Variants in SYT7 observed in about 807,000 individuals in gnomAD.
SYT7 encodes synaptotagmin-7.
SYT7 carries 29 observed loss-of-function variants against 75.1 expected under a neutral mutation model. The observed-to-expected ratio is 0.39, with a 90% CI of 0.29 to 0.53. The LOEUF is 0.53. Among genes scored for constraint, SYT7 ranks in the 20% least tolerant of loss-of-function variants. The pLI is 0.77. For missense variants in SYT7, 693 were observed against 953.2 expected (o/e 0.73, Z 3.59); for synonymous variants, 376 against 401.7 (o/e 0.94, Z 0.76).
chr11:61,522,080 T>G (rs2062354713), intron 12 of SYT7, among the ~76,000 whole-genome samples: 1 of 151,092 alleles, frequency 6.6e-6, no homozygotes, highest in Admixed American at 6.6e-5. Context: ...AACACAGGAG[T>G]AGACATTTTA....
intron 8 of SYT7, chr11:61,530,880 C>A (rs1468912402): frequency 4.1e-6 from 4 of 985,426 alleles, no homozygotes; most frequent in East Asian, 2.3e-4. Context: ...AGGTTGGCCA[C>A]CCCATCACAG....
chr11:61,528,399 C>T (rs924980250), intron 8 of SYT7, among the ~76,000 whole-genome samples: 2 of 152,114 alleles, frequency 1.3e-5, no homozygotes, highest in African/African-American at 4.8e-5. Flanking sequence ...AGCCCTGTCT[C>T]CTGAACCTCA....
At chr11:61,538,346 G>GAGAGAGA in intron 6 of SYT7, 80 bp from the exon 7 acceptor site, 6 of 198,052 alleles carry the variant, frequency 3.0e-5, no homozygotes, top group East Asian at 9.4e-5. Flanking sequence ...GGAGAGAGAG[G>GAGAGAGA]GAGAGAGAGA....
intron 3 of SYT7, among the ~76,000 whole-genome samples, 188 bp from the exon 4 acceptor site, chr11:61,547,496 G>A (rs956030133): frequency 2.6e-5 from 4 of 151,406 alleles, no homozygotes; most frequent in African/African-American, 4.9e-5. Context: ...GCACACGCAC[G>A]CATACACGCA....
intron 1 of SYT7, among the ~76,000 whole-genome samples, chr11:61,574,284 C>G (rs1307927276): frequency 6.6e-6 from 1 of 152,192 alleles, no homozygotes; most frequent in Non-Finnish European, 1.5e-5. Flanking sequence ...ACCCATTTAA[C>G]AGAAGAGGAA....
intron 8 of SYT7, among the ~76,000 whole-genome samples, chr11:61,528,784 C>T (rs2062610761): frequency 6.6e-6 from 1 of 152,154 alleles, no homozygotes; most frequent in South Asian, 2.1e-4. Flanking sequence ...AAGAAAATTG[C>T]AGACTCCCCA....
At position 61,551,471 on chromosome 11, in the gene SYT7, G is replaced by C; in HGVS notation, c.136-8C>G. Reference sequence around the variant, plus strand: ...ATTCTTGTAGCGTTTGCCCTGTGGAGATAGCACTAGGATCACTCCTGGGGA... The same window carrying C: ...ATTCTTGTAGCGTTTGCCCTGTGGACATAGCACTAGGATCACTCCTGGGGA... On this transcript the variant is annotated splice_region_variant and splice_polypyrimidine_tract_variant and intron_variant, in intron 2 of 12. Transcript: ENST00000539008. This position sits in a 1 kb window ranked among gnomAD's most constrained non-coding sequence, Gnocchi z 5.3. 1 of 1,613,540 alleles carries C rather than the reference G, an allele frequency of 6.2e-7. No individual in the cohort carries two copies. The highest frequency in any genetic ancestry group is 1.3e-5 in the African/African-American group (1 of 75,014).
chr11:61,548,036 G>A (rs902885147), intron 3 of SYT7, among the ~76,000 whole-genome samples: 1 of 152,250 alleles, frequency 6.6e-6, no homozygotes, highest in Admixed American at 6.5e-5. Context: ...AGGCTGGGCT[G>A]CAGCCTTAAC....
intron 9 of SYT7, among the ~76,000 whole-genome samples, chr11:61,525,142 C>T (rs1199678382): frequency 6.6e-6 from 1 of 152,272 alleles, no homozygotes; most frequent in Non-Finnish European, 1.5e-5. Flanking sequence ...GCTGGCACCT[C>T]TTGCCTAGGC....
intron 1 of SYT7, among the ~76,000 whole-genome samples, chr11:61,562,426 T>A (rs2063662094): frequency 6.6e-6 from 1 of 152,020 alleles, no homozygotes; most frequent in South Asian, 2.1e-4. Flanking sequence ...TATGGTGAGG[T>A]TTAAAGGAAT....
intron 8 of SYT7, among the ~76,000 whole-genome samples, chr11:61,531,586 T>C (rs943843424): frequency 1.3e-5 from 2 of 151,848 alleles, no homozygotes; most frequent in African/African-American, 4.8e-5. Context: ...GATGCTCTAA[T>C]GTGGATTCAA....
At chr11:61,528,320 C>T (rs764480811) in intron 8 of SYT7, 135 bp from the exon 9 acceptor site, 9 of 1,135,956 alleles carry the variant, frequency 7.9e-6, no homozygotes, top group Non-Finnish European at 1.1e-5. Context: ...GCTGCTCAGG[C>T]TCAGAGGGCA....
chr11:61,560,676 A>T (rs2063614951), intron 1 of SYT7, among the ~76,000 whole-genome samples: 1 of 152,222 alleles, frequency 6.6e-6, no homozygotes, highest in Admixed American at 6.5e-5. Context: ...GGATGTCGCC[A>T]TCAAGGGGTG....
At chr11:61,534,288 C>A (rs879519161) in intron 7 of SYT7, among the ~76,000 whole-genome samples, 1 of 152,218 alleles carries the variant, frequency 6.6e-6, no homozygotes, top group Non-Finnish European at 1.5e-5. Flanking sequence ...CAGGTGACCA[C>A]GACAGGCACA....
intron 1 of SYT7, among the ~76,000 whole-genome samples, chr11:61,575,460 T>A (rs1198477741): frequency 6.6e-6 from 1 of 152,200 alleles, no homozygotes; most frequent in African/African-American, 2.4e-5. Flanking sequence ...GAGATCAGTT[T>A]GACCCAGACA....
At chr11:61,534,408 C>A (rs181514005) in intron 7 of SYT7, among the ~76,000 whole-genome samples, 189 of 148,652 alleles carry the variant, frequency 1.3e-3, no homozygotes, top group African/African-American at 4.8e-3. Flanking sequence ...CATGTACACA[C>A]GCACGCACAC....
rs1375402961 is a variant in SYT7 at position 61,517,312 on chromosome 11, G to A, written c.*1315C>T. ...GAGGCAGAGAAACCACAGCTTCTTTGTGTGTGGCAACCTCAGAACTCACAG... is the reference window on the plus strand; with the variant it reads ...GAGGCAGAGAAACCACAGCTTCTTTATGTGTGGCAACCTCAGAACTCACAG... On this transcript the variant is annotated 3_prime_UTR_variant, in exon 13 of 13. Coordinates refer to ENST00000539008, the MANE Select transcript of SYT7 (RefSeq NM_001365809.2). 2.5e-6 allele frequency: 1 copy of A among 398,562 alleles called. No individual in the cohort carries two copies. Among genetic ancestry groups the A allele is most frequent in the African/African-American group, 2.1e-5 (1 of 48,626 alleles). The allele number at this position is 398,562 out of a possible 1,614,324, so 24.7% of individuals were successfully genotyped here.
intron 1 of SYT7, among the ~76,000 whole-genome samples, chr11:61,571,585 G>T (rs926290191): frequency 6.6e-6 from 1 of 152,122 alleles, no homozygotes; most frequent in Non-Finnish European, 1.5e-5. Context: ...CGCACCTGCC[G>T]GCACCCCCAT....
At position 61,528,198 on chromosome 11, in the gene SYT7, G is replaced by T. The variant is rs377234540; in HGVS notation, c.1201-13C>A. The stretch of plus-strand genomic sequence containing the variant: ...AGCCTGGGGAGAGCTGGGGGTGGGG[G>T]AGAGGCCGGCAGGGTTTGGGGAGGA... On this transcript the variant is annotated splice_polypyrimidine_tract_variant and intron_variant, in intron 8 of 12. Transcript: ENST00000539008. 47 of 1,608,504 alleles carry T rather than the reference G, an allele frequency of 2.9e-5. No homozygotes were observed. In the African/African-American group the frequency reaches 5.3e-4, roughly 18 times the overall value.
Sources: gnomAD v4.1 joint callset for allele counts (sites outside exome capture counted in the v4.1 genomes callset) on GRCh38, gnomAD v4.1.1 for gene constraint, Gnocchi (gnomAD v3.1) non-coding constraint, MANE v1.5 for transcripts, NCBI Gene and HGNC (gene_info 2026-07-23, HGNC 2026-07-21) for gene names.